The following ROBO2 variants were observed in gnomAD, a reference collection of about 807,000 sequenced individuals.
ROBO2 encodes roundabout guidance receptor 2, also known as roundabout homolog 2.
Under a neutral mutation model 160.8 loss-of-function variants are expected in ROBO2, and 53 were observed. The ratio of observed to expected loss-of-function variants is 0.33; its 90% CI spans 0.26 to 0.41. The LOEUF is 0.41. ROBO2 is among the 10% of genes least tolerant of loss of function. The pLI is 1.00. For missense variants in ROBO2, 1,577 were observed against 1,722.4 expected, an observed-to-expected ratio of 0.92 and a Z score of 1.49; for synonymous variants, 664 against 611.7, an observed-to-expected ratio of 1.09 and a Z score of -1.26.
intron 2 of ROBO2, among the ~76,000 whole-genome samples, chr3:76,725,384 T>C (rs2093534674): frequency 6.6e-6 from 1 of 152,204 alleles, no homozygotes. Context: ...GAATTGGCTC[T>C]GTGGCAAACT....
intron 2 of ROBO2, among the ~76,000 whole-genome samples, chr3:76,560,090 A>G (rs2084065713): frequency 6.6e-6 from 1 of 151,808 alleles, no homozygotes; most frequent in Non-Finnish European, 1.5e-5. Flanking sequence ...CTTCTCTTTT[A>G]TTTTTCTCCC....
chr3:77,585,678 GATTT>G (rs2094028085), intron 16 of ROBO2, among the ~76,000 whole-genome samples: 1 of 151,972 alleles, frequency 6.6e-6, no homozygotes, highest in Non-Finnish European at 1.5e-5. Flanking sequence ...GTTCTTCAGA[GATTT>G]ATTTCTTTTT....
rs534661574 is a variant in ROBO2 at position 76,396,526 on chromosome 3, T to C, written c.109+458924T>C. On this transcript the variant is annotated intron_variant, in intron 2 of 26. Coordinates refer to the ROBO2 transcript ENST00000487694. Reference sequence around the variant, plus strand: ...GGTATTCAATTGGGAAAAGAGGAAGTCAAATTGTCCCTGTTTGCAGACGAC... The same window carrying C: ...GGTATTCAATTGGGAAAAGAGGAAGCCAAATTGTCCCTGTTTGCAGACGAC... Among the ~76,000 whole-genome samples the C allele has an allele frequency of 1.7e-4, 26 of 152,202 alleles. No homozygotes were observed. In the South Asian group the frequency reaches 5.2e-3, roughly 30 times the overall value.
At chr3:76,422,126 G>A (rs771358992) in intron 2 of ROBO2, among the ~76,000 whole-genome samples, 40 of 152,202 alleles carry the variant, frequency 2.6e-4, no homozygotes, top group Non-Finnish European at 5.4e-4. Flanking sequence ...AGGCATTTAT[G>A]TAAATGCCTG....
At chr3:76,194,353 A>AATATATATATATATAT (rs772196827) in intron 2 of ROBO2, among the ~76,000 whole-genome samples, 8 of 94,518 alleles carry the variant, frequency 8.5e-5, no homozygotes, top group African/African-American at 2.8e-4. Context: ...ATGGTGTGTA[A>AATATATATATATATAT]ATATATATAT....
intron 1 of ROBO2, among the ~76,000 whole-genome samples, chr3:77,068,035 T>C (rs1462833590): frequency 6.6e-6 from 1 of 152,174 alleles, no homozygotes; most frequent in Non-Finnish European, 1.5e-5. Context: ...TATTACTTTA[T>C]TTATTCTTGG....
chr3:77,158,085 T>C (rs2078170725), intron 2 of ROBO2, among the ~76,000 whole-genome samples: 1 of 152,132 alleles, frequency 6.6e-6, no homozygotes, highest in African/African-American at 2.4e-5. Flanking sequence ...AAGGATACTT[T>C]AGAGCTGTTC....
chr3:77,510,557 T>C lies in ROBO2; in HGVS notation c.807-12218T>C, dbSNP rs7623116. 6.1e-3 allele frequency among the ~76,000 whole-genome samples: 933 copies of C among 152,192 alleles called. 13 individuals are homozygous for C. The highest frequency in any genetic ancestry group is 0.021 in the African/African-American group (888 of 41,536). ...GTTATAAGAATGAAGTGAGTTCAGC[T>C]ATGGAAAATGTTAGGTGACATTTAT... On this transcript the variant is annotated intron_variant, in intron 5 of 25. Transcript: ENST00000461745.
chr3:76,000,713 A>G (rs1404953611), intron 2 of ROBO2, among the ~76,000 whole-genome samples: 2 of 151,834 alleles, frequency 1.3e-5, no homozygotes, highest in African/African-American at 4.8e-5. Flanking sequence ...GATGGTGTCG[A>G]TCTCCTGACC....
chr3:76,880,622 A>G (rs2073239477), intron 2 of ROBO2, among the ~76,000 whole-genome samples: 1 of 152,190 alleles, frequency 6.6e-6, no homozygotes, highest in Non-Finnish European at 1.5e-5. Context: ...CTAGGAATTT[A>G]GACATGATTT....
chr3:77,643,036 A>C (rs1402905370), intron 24 of ROBO2, 93 bp downstream of exon 26: 1 of 411,882 alleles, frequency 2.4e-6, no homozygotes, highest in Admixed American at 2.8e-5. Context: ...AGGGCATCTG[A>C]AAAACATTTG....
chr3:76,969,765 T>C (rs2149276015), intron 2 of ROBO2, among the ~76,000 whole-genome samples: 1 of 152,236 alleles, frequency 6.6e-6, no homozygotes, highest in South Asian at 2.1e-4. Flanking sequence ...GAGGACGATT[T>C]TTCTTAAGCT....
rs139254601 is a variant in ROBO2 at position 76,134,691 on chromosome 3, G to A, written c.109+197089G>A. Among the ~76,000 whole-genome samples, 384 of 152,096 alleles carry A rather than the reference G, an allele frequency of 2.5e-3. 1 individual carries two copies. Among genetic ancestry groups the A allele is most frequent in the African/African-American group, 7.5e-3 (311 of 41,518 alleles). Reference sequence around the variant, plus strand: ...AGCGTGCAGCCTTGTGACCCCTTACGAAAGGACCAAGCTAAGACATGTCTG... The same window carrying A: ...AGCGTGCAGCCTTGTGACCCCTTACAAAAGGACCAAGCTAAGACATGTCTG... On this transcript the variant is annotated intron_variant, in intron 2 of 26. Transcript: ENST00000487694.
chr3:77,049,785 C>T, intron 1 of ROBO2, among the ~76,000 whole-genome samples: 1 of 152,156 alleles, frequency 6.6e-6, no homozygotes, highest in East Asian at 1.9e-4. Flanking sequence ...TGGAATATAA[C>T]TCAACTATCC....
intron 2 of ROBO2, among the ~76,000 whole-genome samples, chr3:76,682,161 G>A (rs143257230): frequency 1.3e-5 from 2 of 152,076 alleles, no homozygotes; most frequent in African/African-American, 2.4e-5. Context: ...GGGATGGCAG[G>A]GGGTGGACGT....
chr3:76,454,926 C>A (rs2077674861), intron 2 of ROBO2, among the ~76,000 whole-genome samples: 1 of 152,006 alleles, frequency 6.6e-6, no homozygotes. Context: ...CTTGATGTAA[C>A]CTTATCCTCA....
At chr3:76,760,686 T>C (rs939810776) in intron 2 of ROBO2, among the ~76,000 whole-genome samples, 1 of 149,238 alleles carries the variant, frequency 6.7e-6, no homozygotes. Flanking sequence ...GGGAAATGAA[T>C]GGATTAGCAG....
At chr3:75,958,410 G>A (rs1038131394) in intron 2 of ROBO2, among the ~76,000 whole-genome samples, 2 of 151,792 alleles carry the variant, frequency 1.3e-5, no homozygotes, top group Non-Finnish European at 2.9e-5. Context: ...TTATGCTTTA[G>A]TGGAGAAACA....
intron 2 of ROBO2, among the ~76,000 whole-genome samples, chr3:77,134,125 G>A (rs1215414832): frequency 2.0e-5 from 3 of 151,190 alleles, no homozygotes; most frequent in Non-Finnish European, 4.4e-5. Context: ...GCAGTGAGCC[G>A]AGATCACACC....
Sources: allele counts gnomAD v4.1 joint callset (sites outside exome capture counted in the v4.1 genomes callset), GRCh38; gene constraint gnomAD v4.1.1; transcripts MANE v1.5; gene names NCBI Gene and HGNC (gene_info 2026-07-23, HGNC 2026-07-21).